Variants in NDC1 observed in about 807,000 individuals in gnomAD.
NDC1 encodes NDC1 transmembrane nucleoporin.
NDC1 carries 24 observed loss-of-function variants against 89.8 expected under a neutral mutation model. The ratio of observed to expected loss-of-function variants is 0.27; its 90% CI spans 0.19 to 0.38. The LOEUF is 0.38. Among genes scored for constraint, NDC1 ranks in the 10% least tolerant of loss-of-function variants. NDC1 has a pLI of 1.00. For synonymous variants in NDC1, 296 were observed against 284.8 expected (o/e 1.04, Z -0.39); for missense variants, 728 against 797.6 (o/e 0.91, Z 1.05).
chr1:53,800,864 A>G lies in NDC1; in HGVS notation c.1067-16T>C. 2 of 1,554,048 alleles carry G rather than the reference A, an allele frequency of 1.3e-6. No individual in the cohort carries two copies. Among genetic ancestry groups the G allele is most frequent in the Non-Finnish European group, 1.7e-6 (2 of 1,154,630 alleles). ...GGATGTCCACCTAGGAGGTCCAAAC[A>G]CCAGCTTTTAAAATGTAAATAATCT... On this transcript the variant is annotated splice_polypyrimidine_tract_variant and intron_variant, in intron 10 of 17. Coordinates refer to ENST00000371429, the MANE Select transcript of NDC1 (RefSeq NM_018087.5).
At chr1:53,793,509 G>A (rs555217449) in intron 13 of NDC1, among the ~76,000 whole-genome samples, 9 of 152,078 alleles carry the variant, frequency 5.9e-5, no homozygotes, top group Non-Finnish European at 1.2e-4. Flanking sequence ...ATGTATACAC[G>A]TTTAACCCCC....
chr1:53,772,217 T>A (rs1647119220), intron 17 of NDC1, 112 bp downstream of exon 17: 1 of 923,582 alleles, frequency 1.1e-6, no homozygotes, highest in Admixed American at 2.3e-5. Flanking sequence ...GTGAGAATCA[T>A]CAAGGTCCCA....
intron 9 of NDC1, among the ~76,000 whole-genome samples, chr1:53,805,901 C>T (rs947389102): frequency 6.6e-6 from 1 of 152,082 alleles, no homozygotes; most frequent in Non-Finnish European, 1.5e-5. Flanking sequence ...GGTGAAACCC[C>T]GTCTCTACTA....
At chr1:53,826,093 G>A (rs1648852753) in intron 4 of NDC1, among the ~76,000 whole-genome samples, 157 bp from the exon 5 acceptor site, 1 of 152,130 alleles carries the variant, frequency 6.6e-6, no homozygotes, top group Non-Finnish European at 1.5e-5. Flanking sequence ...GTGTGAACAA[G>A]ATTAACAAAA....
rs142490782 is a variant in NDC1, at chr1:53,835,576, T to C, written c.102A>G (p.Leu34=). 4 of 1,613,224 alleles carry C rather than the reference T, an allele frequency of 2.5e-6. No homozygotes were observed. The highest frequency in any genetic ancestry group is 2.5e-6 in the Non-Finnish European group (3 of 1,179,384). The stretch of plus-strand genomic sequence containing the variant: ...ATACTGTGGTGCAGATGGGTAGAAA[T>C]AGCACTGACCAAACAATACTTGCAA... ...RIVASIVWSV[L]FLPICTTVFI... The change falls in exon 2 of 18, where the codon CTA becomes CTG. Residue 34 remains leucine, a synonymous_variant. Coordinates refer to ENST00000371429, the MANE Select transcript of NDC1 (RefSeq NM_018087.5).
chr1:53,829,529 T>G (rs1648983527), intron 3 of NDC1, among the ~76,000 whole-genome samples: 1 of 152,222 alleles, frequency 6.6e-6, no homozygotes, highest in South Asian at 2.1e-4. Context: ...TACCATCCAA[T>G]GTACTGTAAT....
chr1:53,836,586 C>T (rs768191820), intron 1 of NDC1, among the ~76,000 whole-genome samples: 5 of 152,200 alleles, frequency 3.3e-5, no homozygotes, highest in Admixed American at 6.5e-5. Context: ...ACCTCCTCCT[C>T]CCGGGTTCAA....
chr1:53,827,045 T>C (rs1557589569), intron 4 of NDC1, among the ~76,000 whole-genome samples: 1 of 152,136 alleles, frequency 6.6e-6, no homozygotes, highest in Non-Finnish European at 1.5e-5. Flanking sequence ...GATTTCCTTT[T>C]TCATAGTAGT....
Position 53,793,610 on chromosome 1 carries a change from G to A in NDC1, c.1585-331C>T, listed in dbSNP as rs146851433. On this transcript the variant is annotated intron_variant, in intron 13 of 17. Transcript: ENST00000371429. ...TTTTTCTTTTTTCTTTTTTATTTCA[G>A]AAACAGGGTCTCGCTTTGTCACCTA... is the stretch of plus-strand genomic sequence containing the variant. Among the ~76,000 whole-genome samples the A allele has an allele frequency of 9.7e-4, 148 of 151,840 alleles. 1 individual carries two copies. Among genetic ancestry groups the A allele is most frequent in the African/African-American group, 2.8e-3 (116 of 41,362 alleles).
chr1:53,768,205 G>A (rs1283765462), intron 17 of NDC1, among the ~76,000 whole-genome samples, 172 bp from the exon 18 acceptor site: 1 of 152,196 alleles, frequency 6.6e-6, no homozygotes, highest in Non-Finnish European at 1.5e-5. Flanking sequence ...TAATGAAGAG[G>A]AGGGCTTGCA....
At chr1:53,817,037 C>T (rs1447717457) in intron 6 of NDC1, among the ~76,000 whole-genome samples, 1 of 152,150 alleles carries the variant, frequency 6.6e-6, no homozygotes, top group Non-Finnish European at 1.5e-5. Flanking sequence ...TTCTACACTG[C>T]TTGTGGGAAT....
At chr1:53,785,149 C>T (rs1264354820) in intron 16 of NDC1, among the ~76,000 whole-genome samples, 3 of 152,114 alleles carry the variant, frequency 2.0e-5, no homozygotes, top group Non-Finnish European at 2.9e-5. Flanking sequence ...AAAACACTTC[C>T]ACCTTGCTGA....
At chr1:53,776,966 A>G (rs952197526) in intron 16 of NDC1, among the ~76,000 whole-genome samples, 3 of 152,122 alleles carry the variant, frequency 2.0e-5, no homozygotes, top group Non-Finnish European at 4.4e-5. Flanking sequence ...TCTATAATAT[A>G]CCTTAGATTT....
intron 5 of NDC1, among the ~76,000 whole-genome samples, chr1:53,823,266 A>G (rs987531105): frequency 1.3e-5 from 2 of 152,040 alleles, no homozygotes; most frequent in East Asian, 3.9e-4. Context: ...AACCAATACC[A>G]CTATACACTC....
intron 6 of NDC1, among the ~76,000 whole-genome samples, chr1:53,816,800 G>A (rs181535171): frequency 1.3e-3 from 193 of 152,162 alleles, no homozygotes; most frequent in Admixed American, 3.4e-3. Context: ...CAAAAAGTGG[G>A]CTAAGGACAT....
rs1409294050 is a variant in NDC1 at position 53,767,812 on chromosome 1, C to T, written c.*158G>A. The T allele has an allele frequency of 8.9e-6, 4 of 447,938 alleles. No individual in the cohort carries two copies. The East Asian group carries it at 1.4e-4, about 15-fold the overall frequency. 27.7% of individuals were successfully genotyped at this position (447,938 alleles called of 1,614,324 possible). A position where few individuals can be genotyped will look rare whatever the true frequency, so the allele number is the denominator to read the frequency against. Reference sequence around the variant, plus strand: ...CAGTTATTCTGTTGAGAATTTCTTTCCATGATTTCTCCCATTAAAGTATAG... The same window carrying T: ...CAGTTATTCTGTTGAGAATTTCTTTTCATGATTTCTCCCATTAAAGTATAG... On this transcript the variant is annotated 3_prime_UTR_variant, in exon 18 of 18. Coordinates refer to ENST00000371429, the MANE Select transcript of NDC1 (RefSeq NM_018087.5).
chr1:53,823,166 C>T (rs998607638), intron 5 of NDC1, among the ~76,000 whole-genome samples: 3 of 152,150 alleles, frequency 2.0e-5, no homozygotes, highest in African/African-American at 7.2e-5. Context: ...AAATCTTCAG[C>T]TTCCTCATTC....
chr1:53,795,431 G>A (rs1647665396), intron 13 of NDC1, among the ~76,000 whole-genome samples: 1 of 152,076 alleles, frequency 6.6e-6, no homozygotes, highest in African/African-American at 2.4e-5. Context: ...TGTCTCATAG[G>A]TATCTCAAAA....
At position 53,810,392 on chromosome 1, in the gene NDC1, A is replaced by C. The variant is rs565662979; in HGVS notation, c.704-646T>G. Among the ~76,000 whole-genome samples the C allele has an allele frequency of 2.6e-3, 403 of 152,222 alleles. 3 individuals are homozygous for C. Among genetic ancestry groups the C allele is most frequent in the African/African-American group, 9.0e-3 (375 of 41,506 alleles). ...TCATGAAGCGTTCCATAAAAAATAA[A>C]ATGGTTTTAATTAAAAAAAAGAAGA... On this transcript the variant is annotated intron_variant, in intron 6 of 17. Transcript: ENST00000371429.
Sources: gnomAD v4.1 joint callset for allele counts (sites outside exome capture counted in the v4.1 genomes callset) on GRCh38, gnomAD v4.1.1 for gene constraint, MANE v1.5 for transcripts, NCBI Gene and HGNC (gene_info 2026-07-23, HGNC 2026-07-21) for gene names.